Variants in MFHAS1 observed in about 807,000 individuals in gnomAD.
The protein encoded by MFHAS1 is multifunctional ROCO family signaling regulator 1, also known as malignant fibrous histiocytoma-amplified sequence 1.
A neutral mutation model predicts 70.4 loss-of-function variants in MFHAS1; 50 were observed. The ratio of observed to expected loss-of-function variants is 0.71; its 90% CI spans 0.57 to 0.90. The LOEUF (loss-of-function observed/expected upper bound fraction) is 0.90, where lower values mean the gene tolerates loss of function less well. MFHAS1 is among the 40% of genes least tolerant of loss of function. The pLI, the probability that MFHAS1 is intolerant of heterozygous loss-of-function variation, is 0.00. For missense variants in MFHAS1, 1,795 were observed against 1,347.6 expected, an observed-to-expected ratio of 1.33 and a Z score of -5.20; for synonymous variants, 952 against 620.0, an observed-to-expected ratio of 1.54 and a Z score of -7.96.
intron 1 of MFHAS1, among the ~76,000 whole-genome samples, chr8:8,869,360 A>G (rs1359291952): frequency 1.3e-5 from 2 of 152,230 alleles, no homozygotes; most frequent in African/African-American, 4.8e-5. Context: ...ACAACCATAA[A>G]GAACTCCGGG....
intron 1 of MFHAS1, among the ~76,000 whole-genome samples, chr8:8,842,001 G>T (rs1181918111): frequency 6.6e-6 from 1 of 152,132 alleles, no homozygotes; most frequent in Non-Finnish European, 1.5e-5. Flanking sequence ...ATCAGAGCCG[G>T]TGTTTCTCTA....
At chr8:8,861,692 C>T (rs964270143) in intron 1 of MFHAS1, among the ~76,000 whole-genome samples, 2 of 152,200 alleles carry the variant, frequency 1.3e-5, no homozygotes, top group East Asian at 1.9e-4. Context: ...AGAATATTCC[C>T]GTCACCACAA....
chr8:8,864,073 T>A (rs375106254), intron 1 of MFHAS1, among the ~76,000 whole-genome samples: 10 of 152,256 alleles, frequency 6.6e-5, no homozygotes, highest in African/African-American at 1.9e-4. Flanking sequence ...AGCCCCCAAT[T>A]TTAGTTGGTC....
rs779030224 is a variant in MFHAS1, at chr8:8,890,080, G to C, written c.2979C>G (p.Pro993=). Residue 993 remains proline (P), a synonymous_variant, in exon 1 of 3, where the codon CCC becomes CCG. Transcript: ENST00000276282. The part of the protein sequence containing the change: ...LCSKCLKRGS[P]NPHAFPGELL... ...ACTTACCTGGAAAAGCATGTGGATT[G>C]GGCGATCCTCTCTTAAGGCACTTAG... The C allele has an allele frequency of 4.4e-6, 7 of 1,605,308 alleles. No homozygotes were observed. The highest frequency in any genetic ancestry group is 5.1e-6 in the Non-Finnish European group (6 of 1,174,094).
intron 1 of MFHAS1, among the ~76,000 whole-genome samples, chr8:8,856,232 A>G (rs765649505): frequency 2.0e-5 from 3 of 152,220 alleles, no homozygotes; most frequent in Non-Finnish European, 2.9e-5. Context: ...GGCATGGTAC[A>G]AGAGTCACTG....
chr8:8,821,051 G>A (rs1050799577), intron 1 of MFHAS1, among the ~76,000 whole-genome samples: 10 of 152,196 alleles, frequency 6.6e-5, no homozygotes, highest in African/African-American at 2.4e-4. Flanking sequence ...GCACAGGGAA[G>A]TGGGGAGGCC....
chr8:8,827,847 C>T (rs1294363792), intron 1 of MFHAS1, among the ~76,000 whole-genome samples: 4 of 152,010 alleles, frequency 2.6e-5, no homozygotes, highest in African/African-American at 4.8e-5. Flanking sequence ...ACTCATGTTT[C>T]GTCTAATAAT....
intron 1 of MFHAS1, among the ~76,000 whole-genome samples, chr8:8,812,614 G>T (rs926540125): frequency 6.6e-6 from 1 of 152,126 alleles, no homozygotes; most frequent in African/African-American, 2.4e-5. Flanking sequence ...TTTGCCCTAG[G>T]TGTGCAAATG....
chr8:8,831,504 C>G (rs903950033), intron 1 of MFHAS1, among the ~76,000 whole-genome samples: 16 of 152,118 alleles, frequency 1.1e-4, no homozygotes, highest in Admixed American at 9.2e-4. Context: ...TCTCCACAAT[C>G]ACCTGATTTC....
At chr8:8,880,037 A>C (rs1195526611) in intron 1 of MFHAS1, among the ~76,000 whole-genome samples, 1 of 152,206 alleles carries the variant, frequency 6.6e-6, no homozygotes, top group African/African-American at 2.4e-5. Flanking sequence ...TTCTTTACGG[A>C]GCTCGTGTAT....
chr8:8,874,845 T>C (rs187723016), intron 1 of MFHAS1, among the ~76,000 whole-genome samples: 11 of 150,658 alleles, frequency 7.3e-5, no homozygotes, highest in African/African-American at 1.5e-4. Context: ...TTAAGTATGA[T>C]AGACAAAAGG....
chr8:8,869,582 G>GT (rs1461097245), intron 1 of MFHAS1, among the ~76,000 whole-genome samples: 1 of 152,004 alleles, frequency 6.6e-6, no homozygotes, highest in Admixed American at 6.6e-5. Flanking sequence ...AATTCACCTG[G>GT]TATCCATCAT....
At chr8:8,792,473 G>C (rs1805752193) in intron 2 of MFHAS1, among the ~76,000 whole-genome samples, 1 of 152,066 alleles carries the variant, frequency 6.6e-6, no homozygotes, top group African/African-American at 2.4e-5. Context: ...AGGTGCAGTG[G>C]CGTGTGCCTA....
intron 1 of MFHAS1, among the ~76,000 whole-genome samples, chr8:8,810,673 T>C (rs1308246235): frequency 6.6e-6 from 1 of 152,218 alleles, no homozygotes; most frequent in Non-Finnish European, 1.5e-5. Flanking sequence ...ACGAAATACA[T>C]GCTGATGAAC....
intron 1 of MFHAS1, among the ~76,000 whole-genome samples, chr8:8,831,417 T>C (rs1476069578): frequency 6.6e-6 from 1 of 152,076 alleles, no homozygotes; most frequent in Admixed American, 6.6e-5. Flanking sequence ...ATACACCTTC[T>C]TGTCTACAGC....
chr8:8,883,834 A>G (rs1809634924), intron 1 of MFHAS1, among the ~76,000 whole-genome samples: 1 of 152,022 alleles, frequency 6.6e-6, no homozygotes. Context: ...TATAATACAG[A>G]GTTAAAGCCC....
At chr8:8,850,811 CAAAAAAAAA>C (rs149181304) in intron 1 of MFHAS1, among the ~76,000 whole-genome samples, 5 of 105,504 alleles carry the variant, frequency 4.7e-5, no homozygotes, top group East Asian at 2.7e-4. Flanking sequence ...AACTCCGTCT[CAAAAAAAAA>C]AAAAAAAAAA....
chr8:8,787,316 A>G (rs199557599), intron 2 of MFHAS1, among the ~76,000 whole-genome samples: 122 of 152,206 alleles, frequency 8.0e-4, no homozygotes, highest in East Asian at 4.6e-3. Context: ...TCCTGACCTC[A>G]TGATCCGCCC....
At chr8:8,886,434 A>C (rs953635962) in intron 1 of MFHAS1, among the ~76,000 whole-genome samples, 1 of 152,020 alleles carries the variant, frequency 6.6e-6, no homozygotes, top group African/African-American at 2.4e-5. Flanking sequence ...TCCCAAAGCA[A>C]AGGGATTACA....
Sources: gnomAD v4.1 joint callset for allele counts (sites outside exome capture counted in the v4.1 genomes callset) on GRCh38, gnomAD v4.1.1 for gene constraint, MANE v1.5 for transcripts, NCBI Gene and HGNC (gene_info 2026-07-23, HGNC 2026-07-21) for gene names.